MYO18A: variants seen among roughly 807,000 people sequenced by gnomAD.
The protein encoded by MYO18A is unconventional myosin-XVIIIa.
MYO18A carries 78 observed loss-of-function variants against 235.8 expected under a neutral mutation model. That is an observed-to-expected ratio of 0.33 (90% CI 0.28 to 0.40). MYO18A has a LOEUF of 0.40. Ranked by LOEUF, MYO18A falls within the 10% of genes least tolerant of loss-of-function variation. The pLI, the probability that MYO18A is intolerant of heterozygous loss-of-function variation, is 1.00. For synonymous variants in MYO18A, 977 were observed against 1,077.8 expected, an observed-to-expected ratio of 0.91 and a Z score of 1.83; for missense variants, 2,215 against 2,699.3, an observed-to-expected ratio of 0.82 and a Z score of 3.98.
intron 40 of MYO18A, among the ~76,000 whole-genome samples, 175 bp from the exon 41 acceptor site, chr17:29,082,613 G>A (rs936512575): frequency 1.3e-5 from 2 of 152,070 alleles, no homozygotes; most frequent in African/African-American, 2.4e-5. Flanking sequence ...TTCACAAGGA[G>A]CCTGTCCCCA....
intron 22 of MYO18A, 39 bp downstream of exon 22, chr17:29,099,595 C>G (rs769170979): frequency 1.3e-6 from 2 of 1,599,960 alleles, no homozygotes; most frequent in South Asian, 1.1e-5. Context: ...CTGTGCCCAT[C>G]TAGGTTGGGG....
At chr17:29,080,006 A>C (rs1399935384) in intron 41 of MYO18A, 1 of 985,952 alleles carries the variant, frequency 1.0e-6, no homozygotes, top group Non-Finnish European at 1.2e-6. Flanking sequence ...TTGTGCTCTG[A>C]GGAAGCTTCG....
chr17:29,074,976 C>A lies in MYO18A; in HGVS notation c.6021-62G>T. The A allele has an allele frequency of 1.3e-6, 2 of 1,592,758 alleles. No individual in the cohort carries two copies. The highest frequency in any genetic ancestry group is 4.5e-5 in the East Asian group (2 of 44,544). On this transcript the variant is annotated intron_variant, in intron 41 of 41. Coordinates refer to ENST00000527372, the MANE Select transcript of MYO18A (RefSeq NM_078471.4). This position sits in a 1 kb window ranked among gnomAD's most constrained non-coding sequence, Gnocchi z 4.4. ...CACTCCTACCATTAAGCACGCACGC[C>A]TTTGGTTCTGGAGGCCCACAAAGCT...
At chr17:29,123,108 C>T (rs2059809881) in intron 2 of MYO18A, among the ~76,000 whole-genome samples, 1 of 152,234 alleles carries the variant, frequency 6.6e-6, no homozygotes, top group African/African-American at 2.4e-5. Flanking sequence ...AGGTCACCAA[C>T]TCAGACATAA....
In MYO18A at chr17:29,140,902, C is replaced by T. The variant is rs1024571804; in HGVS notation, c.1000-18649G>A. Among the ~76,000 whole-genome samples, 1 of 152,206 alleles carries T rather than the reference C, an allele frequency of 6.6e-6. No individual in the cohort carries two copies. The highest frequency in any genetic ancestry group is 1.9e-4 in the East Asian group (1 of 5,202). On this transcript the variant is annotated intron_variant, in intron 2 of 41. Coordinates refer to ENST00000527372, the MANE Select transcript of MYO18A (RefSeq NM_078471.4). The surrounding 1 kb of genome is among the most constrained non-coding windows in gnomAD (Gnocchi z 4.2). ...GCCTACCCTAGCCATCTAATTACTG[C>T]GGCAGAGGCCAAGACAGCCACTAAC...
chr17:29,135,360 C>T (rs1376585427), intron 2 of MYO18A, among the ~76,000 whole-genome samples: 1 of 152,176 alleles, frequency 6.6e-6, no homozygotes, highest in African/African-American at 2.4e-5. Flanking sequence ...CCTTGGCCTC[C>T]CAAAGTGCTG....
At chr17:29,122,107 C>T in intron 3 of MYO18A, 59 bp downstream of exon 3, 1 of 1,568,982 alleles carries the variant, frequency 6.4e-7, no homozygotes, top group Non-Finnish European at 8.7e-7. Flanking sequence ...GGCACATTCG[C>T]TGCCCAGCCC....
intron 1 of MYO18A, among the ~76,000 whole-genome samples, chr17:29,173,387 C>T (rs1379506110): frequency 2.0e-5 from 3 of 148,762 alleles, no homozygotes; most frequent in Non-Finnish European, 3.0e-5. Context: ...CCACTGCGCC[C>T]GGCCCTTTTT....
At position 29,074,386 on chromosome 17, in the gene MYO18A, AC is replaced by A; in HGVS notation, c.*383del. 1.6e-6 allele frequency: 1 copy of A among 643,460 alleles called. No homozygotes were observed. The highest frequency in any genetic ancestry group is 2.7e-6 in the Non-Finnish European group (1 of 368,428). 39.9% of individuals were successfully genotyped at this position (643,460 alleles called of 1,614,324 possible). On this transcript the variant is annotated 3_prime_UTR_variant, in exon 42 of 42. Coordinates refer to ENST00000527372, the MANE Select transcript of MYO18A (RefSeq NM_078471.4). This position sits in a 1 kb window ranked among gnomAD's most constrained non-coding sequence, Gnocchi z 4.4. ...TCTCCTCCCCCAATCCTCCCCATGG[AC>A]CCAGCAACCTAGAGTGTCCCAGTAG...
At chr17:29,093,291 G>A (rs527568503) in intron 32 of MYO18A, 32 bp downstream of exon 32, 89 of 1,578,676 alleles carry the variant, frequency 5.6e-5, no homozygotes, top group Non-Finnish European at 6.8e-5. Context: ...GCAGGGAGCC[G>A]GCCAGGCTTG....
chr17:29,171,551 C>G (rs148632231), intron 1 of MYO18A, among the ~76,000 whole-genome samples: 1 of 151,934 alleles, frequency 6.6e-6, no homozygotes. Flanking sequence ...GTATTTGGGG[C>G]GAAATATACT....
chr17:29,079,251 T>C (rs893861286), intron 41 of MYO18A, among the ~76,000 whole-genome samples: 28 of 152,162 alleles, frequency 1.8e-4, no homozygotes, highest in Admixed American at 5.9e-4. Flanking sequence ...TGCTCTGCAC[T>C]GGCTGCCTGG....
At position 29,109,788 on chromosome 17, in the gene MYO18A, T is replaced by C. The variant is rs923821029; in HGVS notation, c.3331+70A>G. On this transcript the variant is annotated intron_variant, in intron 19 of 41. Coordinates refer to ENST00000527372, the MANE Select transcript of MYO18A (RefSeq NM_078471.4). The surrounding 1 kb of genome is among the most constrained non-coding windows in gnomAD (Gnocchi z 4.1). Reference sequence around the variant, plus strand: ...CCCACTGCAGCCCACGGGTCGCAGGTGGGAGGTGGGGCCGGGCAGGGCCAG... The same window carrying C: ...CCCACTGCAGCCCACGGGTCGCAGGCGGGAGGTGGGGCCGGGCAGGGCCAG... 3.9e-6 allele frequency: 6 copies of C among 1,520,968 alleles called. No homozygotes were observed. The highest frequency in any genetic ancestry group is 2.8e-5 in the African/African-American group (2 of 72,248). 94.2% of individuals were successfully genotyped at this position (1,520,968 alleles called of 1,614,324 possible). A position where few individuals can be genotyped will look rare whatever the true frequency, so the allele number is the denominator to read the frequency against.
At chr17:29,177,383 G>A (rs1308042245) in intron 1 of MYO18A, among the ~76,000 whole-genome samples, 1 of 152,098 alleles carries the variant, frequency 6.6e-6, no homozygotes, top group South Asian at 2.1e-4. Flanking sequence ...ACTCTAAACT[G>A]TTTAAAATGT....
At chr17:29,164,629 G>A (rs1378388364) in intron 2 of MYO18A, among the ~76,000 whole-genome samples, 1 of 152,200 alleles carries the variant, frequency 6.6e-6, no homozygotes, top group Non-Finnish European at 1.5e-5. Context: ...TCCTGGTCAA[G>A]CAGCAGGGGC....
At chr17:29,099,429 C>A (rs182020017) in intron 22 of MYO18A, among the ~76,000 whole-genome samples, 13 of 152,258 alleles carry the variant, frequency 8.5e-5, no homozygotes, top group African/African-American at 2.9e-4. Context: ...TTCCCCTACC[C>A]CTCATCAAAG....
chr17:29,116,665 A>G (rs964372018), intron 10 of MYO18A, among the ~76,000 whole-genome samples: 3 of 119,006 alleles, frequency 2.5e-5, no homozygotes, highest in Non-Finnish European at 4.9e-5. Flanking sequence ...TCACACTGAC[A>G]CACACAGAAA....
intron 24 of MYO18A, 40 bp downstream of exon 24, chr17:29,098,316 G>T: frequency 1.9e-6 from 3 of 1,612,740 alleles, no homozygotes; most frequent in Non-Finnish European, 2.5e-6. Flanking sequence ...GGGTCTCCCT[G>T]CAGCCATGCC....
In MYO18A at chr17:29,121,874, C is replaced by A. The variant is rs777496947; in HGVS notation, c.1171G>T (p.Val391Leu). ...ACCTTCTCAACGTCATCCTCATCCA[C>A]ATCCAGGATGGCCCCATCGTGGTCC... Reference protein sequence around the residue: ...KLDHDGAILDVDEDDVEKANA... With the variant: ...KLDHDGAILDLDEDDVEKANA... Residue 391 changes from valine (V) to leucine (L), a missense_variant, in exon 4 of 42, where the codon GTG becomes TTG. Physicochemically the swap from Val to Leu is conservative, Grantham distance 32. Coordinates refer to ENST00000527372, the MANE Select transcript of MYO18A (RefSeq NM_078471.4). This position sits in a 1 kb window ranked among gnomAD's most constrained non-coding sequence, Gnocchi z 4.2. 3 of 1,613,996 alleles carry A rather than the reference C, an allele frequency of 1.9e-6. No individual in the cohort carries two copies. In the Admixed American group the frequency reaches 5.0e-5, roughly 27 times the overall value.
Sources: gnomAD v4.1 joint callset for allele counts (sites outside exome capture counted in the v4.1 genomes callset) on GRCh38, gnomAD v4.1.1 for gene constraint, Gnocchi (gnomAD v3.1) non-coding constraint, MANE v1.5 for transcripts, NCBI Gene and HGNC (gene_info 2026-07-23, HGNC 2026-07-21) for gene names.